SLC35F1: variants seen among roughly 807,000 people sequenced by gnomAD.
SLC35F1 encodes solute carrier family 35 member F1, also known as chromosome 6 open reading frame 169.
In SLC35F1, 14 loss-of-function variants were observed where a neutral mutation model predicts 48.7. The observed-to-expected ratio is 0.29, with a 90% CI of 0.19 to 0.45. SLC35F1 has a LOEUF of 0.45. SLC35F1 is among the 20% of genes least tolerant of loss of function. SLC35F1 has a pLI of 1.00. For synonymous variants in SLC35F1, 190 were observed against 202.2 expected (o/e 0.94, Z 0.51); for missense variants, 404 against 500.0 (o/e 0.81, Z 1.83).
rs568576611 is a variant in SLC35F1 at position 118,277,559 on chromosome 6, C to T, written c.847+13C>T. ...GACTGGCAAATAGGTAAGGAGTTGG[C>T]TCACATACGATGCTCTTTTTATAAC... On this transcript the variant is annotated intron_variant, in intron 6 of 7. Transcript: ENST00000360388. 2 of 1,612,152 alleles carry T rather than the reference C, an allele frequency of 1.2e-6. No individual in the cohort carries two copies. The highest frequency in any genetic ancestry group is 1.1e-5 in the South Asian group (1 of 91,038).
intron 1 of SLC35F1, among the ~76,000 whole-genome samples, chr6:117,945,774 A>G (rs375490472): frequency 9.2e-5 from 14 of 152,162 alleles, no homozygotes; most frequent in African/African-American, 2.9e-4. Flanking sequence ...TTTCTTCTGC[A>G]TAGTAACAAG....
intron 1 of SLC35F1, among the ~76,000 whole-genome samples, chr6:118,151,059 C>T (rs578019619): frequency 1.3e-5 from 2 of 152,280 alleles, no homozygotes; most frequent in East Asian, 3.9e-4. Context: ...ACCCTCTAAG[C>T]AACATTCAGT....
chr6:117,923,582 T>TATATATACATATAC (rs1429402269), intron 1 of SLC35F1, among the ~76,000 whole-genome samples: 1 of 89,078 alleles, frequency 1.1e-5, no homozygotes. Context: ...CATATGTGTG[T>TATATATACATATAC]GTATATATAC....
intron 1 of SLC35F1, among the ~76,000 whole-genome samples, chr6:117,916,328 C>A (rs1366406652): frequency 6.6e-6 from 1 of 151,986 alleles, no homozygotes; most frequent in Admixed American, 6.6e-5. Flanking sequence ...AAAGTATTGT[C>A]TTCTATGAAT....
intron 1 of SLC35F1, among the ~76,000 whole-genome samples, chr6:117,961,161 G>T (rs1238565540): frequency 6.6e-6 from 1 of 152,054 alleles, no homozygotes; most frequent in African/African-American, 2.4e-5. Context: ...TTGGGCAGTT[G>T]CTCATTTACA....
chr6:118,212,490 G>GACC (rs1420582526), intron 2 of SLC35F1, among the ~76,000 whole-genome samples: 2 of 152,018 alleles, frequency 1.3e-5, no homozygotes, highest in African/African-American at 2.4e-5. Context: ...AGGACTTGAA[G>GACC]ACCACCCTGG....
chr6:118,161,187 C>A (rs1045823134), intron 2 of SLC35F1, among the ~76,000 whole-genome samples: 2 of 152,066 alleles, frequency 1.3e-5, no homozygotes, highest in African/African-American at 2.4e-5. Context: ...GTATATCAGA[C>A]CCTAGAGTCA....
intron 1 of SLC35F1, among the ~76,000 whole-genome samples, chr6:117,992,715 T>A (rs1012353705): frequency 6.6e-6 from 1 of 152,236 alleles, no homozygotes; most frequent in Non-Finnish European, 1.5e-5. Flanking sequence ...ATTTTTAAAG[T>A]GCCATGAAGA....
intron 1 of SLC35F1, among the ~76,000 whole-genome samples, chr6:117,965,876 A>G (rs6937496): frequency 6.6e-6 from 1 of 151,834 alleles, no homozygotes; most frequent in East Asian, 1.9e-4. Context: ...AATCAGCGCT[A>G]TGTCTAACTG....
chr6:118,163,230 C>G (rs1476752373), intron 2 of SLC35F1, among the ~76,000 whole-genome samples: 3 of 152,060 alleles, frequency 2.0e-5, no homozygotes, highest in Non-Finnish European at 4.4e-5. Context: ...TCCCAAAGTG[C>G]TGGGATTACA....
chr6:118,250,448 A>G (rs961650366), intron 3 of SLC35F1, among the ~76,000 whole-genome samples: 5 of 152,204 alleles, frequency 3.3e-5, no homozygotes, highest in African/African-American at 1.2e-4. Flanking sequence ...GCTGCAGAAG[A>G]TAAAACTGAG....
intron 1 of SLC35F1, among the ~76,000 whole-genome samples, chr6:117,967,613 GC>G (rs1291672994): frequency 6.6e-6 from 1 of 152,160 alleles, no homozygotes. Flanking sequence ...AAAGTGAATT[GC>G]TGGCTTTTTG....
At chr6:118,215,772 A>G (rs1009741795) in intron 2 of SLC35F1, among the ~76,000 whole-genome samples, 5 of 152,200 alleles carry the variant, frequency 3.3e-5, no homozygotes, top group African/African-American at 1.2e-4. Flanking sequence ...TTCAGATAAC[A>G]ATGTCTAATA....
intron 1 of SLC35F1, among the ~76,000 whole-genome samples, chr6:118,105,402 C>G (rs1355237689): frequency 6.6e-5 from 10 of 152,216 alleles, no homozygotes; most frequent in Admixed American, 6.5e-4. Flanking sequence ...GAGACCTACT[C>G]TATGTCTACC....
At chr6:117,967,821 A>T (rs1223514926) in intron 1 of SLC35F1, among the ~76,000 whole-genome samples, 1 of 152,188 alleles carries the variant, frequency 6.6e-6, no homozygotes, top group Admixed American at 6.5e-5. Context: ...TGGGGGAGCC[A>T]TTTCAATCCA....
intron 2 of SLC35F1, among the ~76,000 whole-genome samples, chr6:118,221,052 A>G (rs370654062): frequency 3.0e-4 from 45 of 152,248 alleles, no homozygotes; most frequent in African/African-American, 1.1e-3. Context: ...AGGAACCATA[A>G]TTCAAATTAT....
At chr6:117,987,845 C>T (rs1399817512) in intron 1 of SLC35F1, among the ~76,000 whole-genome samples, 2 of 152,136 alleles carry the variant, frequency 1.3e-5, no homozygotes, top group Non-Finnish European at 2.9e-5. Context: ...TTTTAAATAA[C>T]TGACAATATT....
intron 1 of SLC35F1, among the ~76,000 whole-genome samples, chr6:118,006,273 G>A (rs1381516470): frequency 6.6e-6 from 1 of 152,050 alleles, no homozygotes; most frequent in African/African-American, 2.4e-5. Context: ...CTGAAAAAAT[G>A]TCGAGAGTAA....
intron 1 of SLC35F1, among the ~76,000 whole-genome samples, chr6:117,931,348 G>T (rs1306265593): frequency 6.6e-6 from 1 of 152,122 alleles, no homozygotes; most frequent in African/African-American, 2.4e-5. Context: ...TAGTATACAG[G>T]TTGTTCTGTA....
Sources: allele counts gnomAD v4.1 joint callset (sites outside exome capture counted in the v4.1 genomes callset), GRCh38; gene constraint gnomAD v4.1.1; transcripts MANE v1.5; gene names NCBI Gene and HGNC (gene_info 2026-07-23, HGNC 2026-07-21).